Variants in TMEM267 observed in about 807,000 individuals in gnomAD.
The protein encoded by TMEM267 is transmembrane protein 267.
A neutral mutation model predicts 19.3 loss-of-function variants in TMEM267; 20 were observed. The ratio of observed to expected loss-of-function variants is 1.04; its 90% CI spans 0.73 to 1.51. The LOEUF (loss-of-function observed/expected upper bound fraction) is 1.51. Among genes scored for constraint, TMEM267 ranks in the 40% most tolerant of loss-of-function variants. The pLI, the probability that TMEM267 is intolerant of heterozygous loss-of-function variation, is 0.00. For missense variants in TMEM267, 242 were observed against 261.9 expected (o/e 0.92, Z 0.52); for synonymous variants, 88 against 90.3 (o/e 0.97, Z 0.15).
rs939847642 is a variant in TMEM267 at position 43,445,550 on chromosome 5, T to G, written c.*672A>C. The G allele has an allele frequency of 6.6e-6, 1 of 152,154 alleles. No individual in the cohort carries two copies. The highest frequency in any genetic ancestry group is 2.4e-5 in the African/African-American group (1 of 41,444). The allele number at this position is 152,154 out of a possible 1,614,324, so 9.4% of individuals were successfully genotyped here. ...CAGTAAAGTGCTACTGTAGCCAACA[T>G]GTTTTAATAATTATTTCCTAAATTA... On this transcript the variant is annotated 3_prime_UTR_variant, in exon 3 of 3. Coordinates refer to ENST00000397080, the MANE Select transcript of TMEM267 (RefSeq NM_022483.5).
At chr5:43,457,527 G>T (rs921808626) in intron 1 of TMEM267, among the ~76,000 whole-genome samples, 1 of 152,138 alleles carries the variant, frequency 6.6e-6, no homozygotes, top group East Asian at 1.9e-4. Context: ...CAGAGTAGAA[G>T]ACTAAAGTGG....
At chr5:43,475,906 C>T (rs541235774) in intron 1 of TMEM267, among the ~76,000 whole-genome samples, 3 of 152,254 alleles carry the variant, frequency 2.0e-5, no homozygotes, top group East Asian at 3.9e-4. Flanking sequence ...TTAACTAGAG[C>T]TCTAATGGCT....
chr5:43,483,392 T>C (rs768715163), intron 1 of TMEM267, among the ~76,000 whole-genome samples: 13 of 152,156 alleles, frequency 8.5e-5, no homozygotes, highest in Non-Finnish European at 7.4e-5. Context: ...CATGTCACAC[T>C]CTCAGCATTC....
At chr5:43,480,501 T>C (rs1244121132) in intron 1 of TMEM267, among the ~76,000 whole-genome samples, 1 of 151,636 alleles carries the variant, frequency 6.6e-6, no homozygotes, top group African/African-American at 2.4e-5. Flanking sequence ...TTTCTTTTTT[T>C]TTTAAGAGAC....
chr5:43,476,907 T>C (rs1319282855), intron 1 of TMEM267, among the ~76,000 whole-genome samples: 1 of 151,336 alleles, frequency 6.6e-6, no homozygotes, highest in Non-Finnish European at 1.5e-5. Flanking sequence ...TTAAAATTTT[T>C]GAGGCCAGGA....
chr5:43,478,231 C>A (rs1338194795), intron 1 of TMEM267, among the ~76,000 whole-genome samples: 1 of 152,180 alleles, frequency 6.6e-6, no homozygotes, highest in African/African-American at 2.4e-5. Flanking sequence ...AACTTTCAGT[C>A]TGTATAATGT....
upstream of TMEM267, chr5:43,484,330 C>T (rs1271443329): frequency 3.9e-5 from 6 of 152,236 alleles, no homozygotes; most frequent in South Asian, 4.1e-4. Flanking sequence ...CTTCCTTCCG[C>T]GAAGCCCTCA....
chr5:43,476,523 T>A (rs1744434742), intron 1 of TMEM267, among the ~76,000 whole-genome samples: 1 of 145,524 alleles, frequency 6.9e-6, no homozygotes, highest in African/African-American at 2.6e-5. Context: ...TTTTTTTTTT[T>A]TTTTTTTTTT....
intron 1 of TMEM267, among the ~76,000 whole-genome samples, chr5:43,476,467 T>A (rs1405189758): frequency 6.6e-6 from 1 of 151,434 alleles, no homozygotes; most frequent in East Asian, 1.9e-4. Context: ...ACAAAGTAGT[T>A]CTGCTTCTTT....
At chr5:43,446,972 T>C (rs1742279381) in intron 2 of TMEM267, among the ~76,000 whole-genome samples, 1 of 152,078 alleles carries the variant, frequency 6.6e-6, no homozygotes, top group Non-Finnish European at 1.5e-5. Context: ...AAGAGGGAAA[T>C]ATTTTTGTTA....
chr5:43,463,957 C>G (rs1210955820), intron 1 of TMEM267, among the ~76,000 whole-genome samples: 1 of 152,000 alleles, frequency 6.6e-6, no homozygotes, highest in Admixed American at 6.6e-5. Flanking sequence ...CTGGCCAGAG[C>G]AATTAGGCAG....
At chr5:43,450,730 A>G (rs1172638190) in intron 2 of TMEM267, among the ~76,000 whole-genome samples, 1 of 152,234 alleles carries the variant, frequency 6.6e-6, no homozygotes, top group Non-Finnish European at 1.5e-5. Context: ...TGCTTTTAAA[A>G]ATTATAATAG....
chr5:43,454,049 G>A lies in TMEM267; in HGVS notation c.-74-6C>T, dbSNP rs1335662728. On this transcript the variant is annotated splice_polypyrimidine_tract_variant and splice_region_variant and intron_variant, in intron 1 of 2. Coordinates refer to ENST00000397080, the MANE Select transcript of TMEM267 (RefSeq NM_022483.5). ...TTGTTTACATTTCCAGCACCCTAAA[G>A]GAGAAAGTAGAGAAAAATATGAATG... The A allele has an allele frequency of 1.3e-6, 2 of 1,506,766 alleles. No homozygotes were observed. The highest frequency in any genetic ancestry group is 1.8e-6 in the Non-Finnish European group (2 of 1,127,944). The allele number at this position is 1,506,766 out of a possible 1,614,324, so 93.3% of individuals were successfully genotyped here.
chr5:43,478,375 A>G (rs141809297), intron 1 of TMEM267, among the ~76,000 whole-genome samples: 10 of 152,324 alleles, frequency 6.6e-5, no homozygotes, highest in African/African-American at 1.9e-4. Flanking sequence ...ATGGTTAGAT[A>G]GCTTTTGTGA....
rs148525330 is a variant in TMEM267 at position 43,448,940 on chromosome 5, A to C, written c.313-2383T>G. On this transcript the variant is annotated intron_variant, in intron 2 of 2. Transcript: ENST00000397080. ...TCAAACAACCACATGGGGACATAAA[A>C]AAATCTTGAATCAGAAATTCAAAAA... 8.6e-4 allele frequency among the ~76,000 whole-genome samples: 131 copies of C among 152,230 alleles called. 1 individual carries two copies. Among genetic ancestry groups the C allele is most frequent in the African/African-American group, 3.0e-3 (125 of 41,546 alleles).
intron 1 of TMEM267, among the ~76,000 whole-genome samples, chr5:43,474,664 CAGG>C (rs984386300): frequency 3.8e-4 from 56 of 148,886 alleles, no homozygotes; most frequent in Non-Finnish European, 2.8e-4. Flanking sequence ...GAGGATGAGG[CAGG>C]AGAATTGCTT....
chr5:43,453,514 A>C, intron 2 of TMEM267, 144 bp downstream of exon 2: 1 of 696,898 alleles, frequency 1.4e-6, no homozygotes, highest in Admixed American at 2.9e-5. Context: ...ATCTTTAGGC[A>C]AGTACTAAGT....
At chr5:43,452,468 GGTGA>G (rs1301281652) in intron 2 of TMEM267, among the ~76,000 whole-genome samples, 1 of 151,980 alleles carries the variant, frequency 6.6e-6, no homozygotes, top group Non-Finnish European at 1.5e-5. Flanking sequence ...AGTGAGAAGA[GGTGA>G]GAGATAAAAT....
chr5:43,464,004 G>A (rs1005265750), intron 1 of TMEM267, among the ~76,000 whole-genome samples: 17 of 152,290 alleles, frequency 1.1e-4, no homozygotes, highest in Non-Finnish European at 2.1e-4. Context: ...AGGAAAAGAG[G>A]AAGTCAAATT....
Sources: gnomAD v4.1 joint callset for allele counts (sites outside exome capture counted in the v4.1 genomes callset) on GRCh38, gnomAD v4.1.1 for gene constraint, MANE v1.5 for transcripts, NCBI Gene and HGNC (gene_info 2026-07-23, HGNC 2026-07-21) for gene names.